The following ATRN variants were observed in gnomAD, a reference collection of about 807,000 sequenced individuals.
ATRN encodes attractin-2.
Under a neutral mutation model 178.7 loss-of-function variants are expected in ATRN, and 54 were observed. The ratio of observed to expected loss-of-function variants is 0.30; its 90% confidence interval spans 0.24 to 0.38. The LOEUF is 0.38. Among genes scored for constraint, ATRN ranks in the 10% least tolerant of loss-of-function variants. The probability of loss-of-function intolerance (pLI) is 1.00; values close to 1 mark genes in which losing one functional copy is unlikely to be tolerated. For synonymous variants in ATRN, 636 were observed against 663.0 expected, an observed-to-expected ratio of 0.96 and a Z score of 0.63; for missense variants, 1,443 against 1,815.1, an observed-to-expected ratio of 0.79 and a Z score of 3.73.
intron 1 of ATRN, among the ~76,000 whole-genome samples, chr20:3,489,293 AT>A (rs201569326): frequency 1.3e-5 from 2 of 151,672 alleles, no homozygotes; most frequent in Non-Finnish European, 1.5e-5. Flanking sequence ...GTATCTTTAA[AT>A]TTTTTTTTGA....
intron 23 of ATRN, among the ~76,000 whole-genome samples, chr20:3,602,691 C>T (rs6139161): frequency 2.0e-5 from 3 of 151,936 alleles, no homozygotes; most frequent in East Asian, 3.9e-4. Context: ...ATGAGCCGGG[C>T]GGTGGCTCAT....
intron 1 of ATRN, among the ~76,000 whole-genome samples, chr20:3,484,554 G>A (rs751720507): frequency 3.3e-5 from 5 of 151,994 alleles, no homozygotes; most frequent in Admixed American, 6.6e-5. Flanking sequence ...CCTGCTCCCC[G>A]TTTGTATTGA....
chr20:3,487,391 C>A (rs2084709675), intron 1 of ATRN, among the ~76,000 whole-genome samples: 1 of 152,076 alleles, frequency 6.6e-6, no homozygotes, highest in Non-Finnish European at 1.5e-5. Flanking sequence ...TGCCACCACA[C>A]CCAGCTAATT....
chr20:3,584,560 CA>C, intron 17 of ATRN, 86 bp from the exon 18 acceptor site: 2 of 885,334 alleles, frequency 2.3e-6, no homozygotes, highest in Non-Finnish European at 3.4e-6. Context: ...TGACTCAAGC[CA>C]GTTGAATAGT....
intron 23 of ATRN, among the ~76,000 whole-genome samples, chr20:3,602,963 C>CAAAAAAAAAAAAAAAAAA (rs3842439): frequency 2.4e-5 from 1 of 40,868 alleles, no homozygotes; most frequent in African/African-American, 1.1e-4. Context: ...AATTCCATCT[C>CAAAAAAAAAAAAAAAAAA]AAAAAAAAAA....
intron 2 of ATRN, among the ~76,000 whole-genome samples, chr20:3,537,685 C>T (rs904809856): frequency 4.7e-4 from 70 of 149,984 alleles, no homozygotes; most frequent in African/African-American, 1.5e-3. Flanking sequence ...CGACAAACCC[C>T]GGTGTGTGAT....
At chr20:3,643,492 C>G (rs2087084551) in intron 27 of ATRN, among the ~76,000 whole-genome samples, 2 of 150,536 alleles carry the variant, frequency 1.3e-5, no homozygotes, top group African/African-American at 4.9e-5. Flanking sequence ...ATAGTGAGAC[C>G]CCATTTCTAT....
At chr20:3,568,131 G>A (rs1456069793) in intron 11 of ATRN, among the ~76,000 whole-genome samples, 2 of 151,394 alleles carry the variant, frequency 1.3e-5, no homozygotes, top group Admixed American at 1.3e-4. Flanking sequence ...TCTACTAAAA[G>A]TACAAAAAAA....
chr20:3,628,344 A>G (rs888246395), intron 25 of ATRN, among the ~76,000 whole-genome samples: 1 of 152,216 alleles, frequency 6.6e-6, no homozygotes, highest in African/African-American at 2.4e-5. Flanking sequence ...CACTTTCTTA[A>G]TGGTAGAATG....
chr20:3,497,846 A>G (rs1297460220), intron 1 of ATRN, among the ~76,000 whole-genome samples: 1 of 152,154 alleles, frequency 6.6e-6, no homozygotes, highest in African/African-American at 2.4e-5. Context: ...TATTTCTTGG[A>G]GGCTTTGCTC....
At chr20:3,558,316 C>T (rs980057105) in intron 6 of ATRN, among the ~76,000 whole-genome samples, 1 of 151,970 alleles carries the variant, frequency 6.6e-6, no homozygotes, top group African/African-American at 2.4e-5. Flanking sequence ...ATTCTGTATA[C>T]TTATTCTTTA....
chr20:3,633,407 C>T (rs1568775589), intron 25 of ATRN, among the ~76,000 whole-genome samples: 1 of 152,186 alleles, frequency 6.6e-6, no homozygotes, highest in African/African-American at 2.4e-5. Flanking sequence ...TTGGTGTCAG[C>T]AGTTGGGTGC....
At chr20:3,512,085 T>TTATATATATATATATATATATATATA (rs1212714416) in intron 1 of ATRN, among the ~76,000 whole-genome samples, 1 of 119,788 alleles carries the variant, frequency 8.3e-6, no homozygotes, top group Admixed American at 8.3e-5. Flanking sequence ...CTTTTTTCTT[T>TTATATATATATATATATATATATATA]TATATATATA....
intron 6 of ATRN, among the ~76,000 whole-genome samples, chr20:3,550,327 G>T (rs1424351812): frequency 1.3e-5 from 2 of 152,176 alleles, no homozygotes; most frequent in Admixed American, 1.3e-4. Flanking sequence ...TGTTCCATTG[G>T]TCTATGTATC....
intron 18 of ATRN, among the ~76,000 whole-genome samples, chr20:3,585,191 C>T (rs546875374): frequency 3.3e-5 from 5 of 152,154 alleles, no homozygotes; most frequent in African/African-American, 1.2e-4. Context: ...GCAAAGACTC[C>T]TCAGAGATTA....
intron 24 of ATRN, among the ~76,000 whole-genome samples, chr20:3,606,082 C>A (rs878914471): frequency 1.3e-5 from 2 of 152,052 alleles, no homozygotes; most frequent in Admixed American, 1.3e-4. Context: ...TTTGTTAATC[C>A]TCTCATCAGC....
At chr20:3,587,930 C>T (rs1181419653) in intron 18 of ATRN, among the ~76,000 whole-genome samples, 1 of 152,144 alleles carries the variant, frequency 6.6e-6, no homozygotes, top group Non-Finnish European at 1.5e-5. Context: ...ACTGCAGCCT[C>T]CGCTTTCCCA....
intron 1 of ATRN, among the ~76,000 whole-genome samples, chr20:3,481,224 T>A (rs1403940039): frequency 6.6e-6 from 1 of 152,200 alleles, no homozygotes; most frequent in Non-Finnish European, 1.5e-5. Flanking sequence ...TTTTTCCCAC[T>A]TTTCATTTTC....
chr20:3,483,369 CAG>C (rs2084648134), intron 1 of ATRN, among the ~76,000 whole-genome samples: 1 of 151,774 alleles, frequency 6.6e-6, no homozygotes, highest in South Asian at 2.1e-4. Context: ...TTTTTTGTGA[CAG>C]GGTCTCACTC....
Sources: gnomAD v4.1 joint callset for allele counts (sites outside exome capture counted in the v4.1 genomes callset) on GRCh38, gnomAD v4.1.1 for gene constraint, MANE v1.5 for transcripts, NCBI Gene and HGNC (gene_info 2026-07-23, HGNC 2026-07-21) for gene names.